TMPRSS15: variants seen among roughly 807,000 people sequenced by gnomAD.
TMPRSS15 encodes the protein transmembrane serine protease 15, also known as enteropeptidase.
TMPRSS15 carries 128 observed loss-of-function variants against 125.3 expected under a neutral mutation model. The ratio of observed to expected loss-of-function variants is 1.02; its 90% CI spans 0.89 to 1.18. The LOEUF is 1.18. Among genes scored for constraint, TMPRSS15 ranks in the 50% most tolerant of loss-of-function variants. The pLI is 0.00. For synonymous variants in TMPRSS15, 446 were observed against 423.2 expected, an observed-to-expected ratio of 1.05 and a Z score of -0.66; for missense variants, 1,283 against 1,212.7, an observed-to-expected ratio of 1.06 and a Z score of -0.86.
chr21:18,347,128 A>C (rs1412411697), intron 10 of TMPRSS15, among the ~76,000 whole-genome samples: 2 of 151,276 alleles, frequency 1.3e-5, no homozygotes, highest in African/African-American at 4.9e-5. Context: ...CATTTAAATC[A>C]AACTGTCATC....
At chr21:18,295,578 T>C (rs1411305779) in intron 19 of TMPRSS15, among the ~76,000 whole-genome samples, 1 of 152,236 alleles carries the variant, frequency 6.6e-6, no homozygotes, top group African/African-American at 2.4e-5. Flanking sequence ...ACACGTCTAA[T>C]CAAAGCAATT....
intron 3 of TMPRSS15, among the ~76,000 whole-genome samples, chr21:18,385,419 A>G (rs1168720848): frequency 6.6e-6 from 1 of 152,132 alleles, no homozygotes; most frequent in Admixed American, 6.5e-5. Flanking sequence ...TATACCAAAC[A>G]TGGTTTTATT....
At chr21:18,279,128 TAACAA>T (rs1353437713) in intron 22 of TMPRSS15, 69 bp from the exon 23 acceptor site, 3 of 839,878 alleles carry the variant, frequency 3.6e-6, no homozygotes, top group East Asian at 5.3e-5. Flanking sequence ...CAAGCATTTC[TAACAA>T]GTTTTAAAAA....
intron 1 of TMPRSS15, among the ~76,000 whole-genome samples, chr21:18,402,950 C>T (rs1405511948): frequency 6.6e-6 from 1 of 152,110 alleles, no homozygotes; most frequent in African/African-American, 2.4e-5. Context: ...GGAGTTGCTA[C>T]TCAGTTTGTG....
intron 5 of TMPRSS15, among the ~76,000 whole-genome samples, 175 bp from the exon 6 acceptor site, chr21:18,372,499 T>G (rs1160650785): frequency 6.6e-6 from 1 of 152,188 alleles, no homozygotes; most frequent in African/African-American, 2.4e-5. Context: ...ATTTTAAATT[T>G]TGAAATTTCA....
In TMPRSS15 at chr21:18,343,524, A is replaced by G. The variant is rs2075471736; in HGVS notation, c.1410T>C (p.Asn470=). 1.2e-6 allele frequency: 2 copies of G among 1,611,346 alleles called. No homozygotes were observed. The highest frequency in any genetic ancestry group is 1.7e-6 in the Non-Finnish European group (2 of 1,177,958). Residue 470 remains asparagine, a synonymous_variant, in exon 12 of 25, where the codon AAT becomes AAC. Transcript: ENST00000284885. ...TGCAAACCTTAAATTTAACTGTTTC[A>G]TTTAGGGTTACTTGTCCATAATTCC... is the stretch of plus-strand genomic sequence containing the variant. ...DNWNYGQVTL[N]ETVKFKVAFN...
chr21:18,274,782 G>A lies in TMPRSS15; in HGVS notation c.2904+415C>T, dbSNP rs187371165. ...ATTCTAAATTCAGGGTTGAAATTTA[G>A]AGGCCCACAGACTAAACTGGCCCTC... On this transcript the variant is annotated intron_variant, in intron 24 of 24. Coordinates refer to ENST00000284885, the MANE Select transcript of TMPRSS15 (RefSeq NM_002772.3). Among the ~76,000 whole-genome samples, 45 of 152,282 alleles carry A rather than the reference G, an allele frequency of 3.0e-4. 1 individual carries two copies. The highest frequency in any genetic ancestry group is 2.9e-3 in the Admixed American group (45 of 15,294).
intron 6 of TMPRSS15, among the ~76,000 whole-genome samples, chr21:18,365,626 T>TTCTCTTTCTTTCTC (rs2075723178): frequency 1.8e-5 from 2 of 111,740 alleles, no homozygotes; most frequent in African/African-American, 7.9e-5. Flanking sequence ...CTCTCTTTCT[T>TTCTCTTTCTTTCTC]TCTCTTTCTC....
intron 10 of TMPRSS15, 53 bp from the exon 11 acceptor site, chr21:18,344,113 T>G: frequency 7.0e-7 from 1 of 1,435,362 alleles, no homozygotes; most frequent in Non-Finnish European, 9.8e-7. Context: ...ATTTTCATTG[T>G]GTGACAAGTA....
At chr21:18,396,921 G>A (rs926114310) in intron 3 of TMPRSS15, among the ~76,000 whole-genome samples, 1 of 151,578 alleles carries the variant, frequency 6.6e-6, no homozygotes, top group South Asian at 2.1e-4. Context: ...GCTTGTCATA[G>A]GATCTCTGTT....
At chr21:18,393,921 A>C (rs139158569) in intron 3 of TMPRSS15, among the ~76,000 whole-genome samples, 1 of 152,300 alleles carries the variant, frequency 6.6e-6, no homozygotes, top group Non-Finnish European at 1.5e-5. Flanking sequence ...TCTTTAATAA[A>C]AGACTTTCTC....
At chr21:18,382,113 T>C (rs2075898162) in intron 4 of TMPRSS15, among the ~76,000 whole-genome samples, 2 of 152,052 alleles carry the variant, frequency 1.3e-5, no homozygotes, top group South Asian at 4.1e-4. Flanking sequence ...GACATTAGGA[T>C]CAGACCACAG....
intron 1 of TMPRSS15, among the ~76,000 whole-genome samples, chr21:18,426,698 T>C (rs757169792): frequency 4.6e-5 from 7 of 152,234 alleles, no homozygotes; most frequent in Non-Finnish European, 8.8e-5. Flanking sequence ...GAACTTCACC[T>C]ATGATATTTC....
intron 22 of TMPRSS15, 91 bp downstream of exon 22, chr21:18,280,949 G>T: frequency 7.6e-7 from 1 of 1,309,070 alleles, no homozygotes; most frequent in South Asian, 1.2e-5. Flanking sequence ...TAGCTTTTAT[G>T]AATTAATGCA....
intron 1 of TMPRSS15, among the ~76,000 whole-genome samples, chr21:18,444,729 T>C (rs2076251127): frequency 6.6e-6 from 1 of 152,194 alleles, no homozygotes; most frequent in African/African-American, 2.4e-5. Flanking sequence ...CTTTTAGTTA[T>C]TTTGAAATAC....
chr21:18,291,642 G>A (rs1259269845), intron 21 of TMPRSS15, among the ~76,000 whole-genome samples: 1 of 152,126 alleles, frequency 6.6e-6, no homozygotes, highest in Non-Finnish European at 1.5e-5. Flanking sequence ...ATAAGAGCCA[G>A]TATTAACATA....
At chr21:18,348,057 C>T (rs964607839) in intron 10 of TMPRSS15, among the ~76,000 whole-genome samples, 3 of 152,112 alleles carry the variant, frequency 2.0e-5, no homozygotes, top group Non-Finnish European at 4.4e-5. Context: ...TGGTAGAATG[C>T]ACCTGTGATC....
upstream of TMPRSS15, among the ~76,000 whole-genome samples, chr21:18,405,672 G>A (rs953020397): frequency 7.2e-5 from 11 of 152,140 alleles, no homozygotes; most frequent in African/African-American, 2.4e-4. Context: ...AATACATAGC[G>A]CCGCATTGAT....
At chr21:18,331,817 T>C (rs1436349890) in intron 14 of TMPRSS15, among the ~76,000 whole-genome samples, 1 of 152,194 alleles carries the variant, frequency 6.6e-6, no homozygotes, top group Non-Finnish European at 1.5e-5. Flanking sequence ...TTTGGAATTA[T>C]AATAATGACA....
Sources: allele counts gnomAD v4.1 joint callset (sites outside exome capture counted in the v4.1 genomes callset), GRCh38; gene constraint gnomAD v4.1.1; transcripts MANE v1.5; gene names NCBI Gene and HGNC (gene_info 2026-07-23, HGNC 2026-07-21).